The following ZNF229 variants were observed in gnomAD, a reference collection of about 807,000 sequenced individuals.
The protein encoded by ZNF229 is zinc finger protein 229.
Under a neutral mutation model 11.8 loss-of-function variants are expected in ZNF229, and 10 were observed. That is an observed-to-expected ratio of 0.85 (90% confidence interval 0.52 to 1.44). ZNF229 has a LOEUF of 1.44. Ranked by LOEUF, ZNF229 falls within the 40% of genes most tolerant of loss-of-function variation. ZNF229 has a pLI of 0.00. For synonymous variants in ZNF229, 368 were observed against 374.8 expected (o/e 0.98, Z 0.21); for missense variants, 1,045 against 1,015.1 (o/e 1.03, Z -0.40).
At chr19:44,434,458 A>G (rs529852288) in intron 4 of ZNF229, among the ~76,000 whole-genome samples, 1 of 152,170 alleles carries the variant, frequency 6.6e-6, no homozygotes, top group Non-Finnish European at 1.5e-5. Flanking sequence ...GAACCAAGGA[A>G]TTTCAAACTA....
rs1715094436 is a variant in ZNF229, at chr19:44,429,621, C to T, written c.1160G>A (p.Gly387Asp). 6 of 1,614,062 alleles carry T rather than the reference C, an allele frequency of 3.7e-6. No individual in the cohort carries two copies. Among genetic ancestry groups the T allele is most frequent in the Non-Finnish European group, 5.1e-6 (6 of 1,180,014 alleles). The part of the protein sequence containing the change: ...YKCEECGKAF[G>D]RSSNLLVHQR... ...ATGGACAAGCAGGTTTGAACTTCGACCAAATGCCTTCCCACACTCCTCACA... is the reference window on the plus strand; with the variant it reads ...ATGGACAAGCAGGTTTGAACTTCGATCAAATGCCTTCCCACACTCCTCACA... The change falls in exon 6 of 6, where the codon GGT (glycine) becomes GAT (aspartate). Residue 387 changes from glycine to aspartate, a missense_variant. Coordinates refer to ENST00000614049, the MANE Select transcript of ZNF229 (RefSeq NM_014518.4).
intron 4 of ZNF229, among the ~76,000 whole-genome samples, chr19:44,433,958 A>C (rs1038995150): frequency 1.9e-4 from 29 of 152,094 alleles, no homozygotes; most frequent in African/African-American, 6.5e-4. Flanking sequence ...TAATACAGAC[A>C]GGGTTTCACC....
intron 3 of ZNF229, 74 bp downstream of exon 3, chr19:44,442,740 C>T (rs1245950657): frequency 1.4e-5 from 22 of 1,607,744 alleles, no homozygotes; most frequent in Middle Eastern, 1.6e-4. Context: ...GAGGAAATTC[C>T]TCAACATCCA....
intron 4 of ZNF229, among the ~76,000 whole-genome samples, chr19:44,439,037 G>A (rs141115221): frequency 1.4e-3 from 213 of 152,264 alleles, no homozygotes; most frequent in African/African-American, 4.9e-3. Context: ...TGGGAGGGAG[G>A]AGCAGTCTCT....
At chr19:44,439,870 A>G (rs1971877866) in intron 4 of ZNF229, among the ~76,000 whole-genome samples, 2 of 152,238 alleles carry the variant, frequency 1.3e-5, no homozygotes, top group South Asian at 4.1e-4. Context: ...TTATTTCATT[A>G]TAGACCTTGG....
At position 44,426,273 on chromosome 19, in the gene ZNF229, C is replaced by A. The variant is rs919181565; in HGVS notation, c.*2030G>T. 6.6e-6 allele frequency: 1 copy of A among 152,120 alleles called. No homozygotes were observed. Among genetic ancestry groups the A allele is most frequent in the Non-Finnish European group, 1.5e-5 (1 of 68,032 alleles). The allele number at this position is 152,120 out of a possible 1,614,324, so 9.4% of individuals were successfully genotyped here. ...AAGTTATAGAGGTTACAACATGAAT[C>A]TTTAATCATAAGGGATTGTTCCATC... On this transcript the variant is annotated 3_prime_UTR_variant, in exon 6 of 6. Transcript: ENST00000614049.
At position 44,428,117 on chromosome 19, in the gene ZNF229, T is replaced by C; in HGVS notation, c.*186A>G. On this transcript the variant is annotated 3_prime_UTR_variant, in exon 6 of 6. Transcript: ENST00000614049. ...CAACAGACTCTTAAAGACTGAAGTT[T>C]GTAACTGAAGTGCTAACCTATTTAT... is the stretch of plus-strand genomic sequence containing the variant. 1.6e-6 allele frequency: 1 copy of C among 618,542 alleles called. No individual in the cohort carries two copies. The highest frequency in any genetic ancestry group is 2.7e-6 in the Non-Finnish European group (1 of 367,434). The allele number at this position is 618,542 out of a possible 1,614,324, so 38.3% of individuals were successfully genotyped here.
intron 4 of ZNF229, among the ~76,000 whole-genome samples, chr19:44,434,433 CAAAAGTAG>C (rs1971776830): frequency 2.0e-5 from 3 of 152,146 alleles, no homozygotes; most frequent in Non-Finnish European, 4.4e-5. Flanking sequence ...GGTGAGACCT[CAAAAGTAG>C]CATTTTGAAC....
intron 2 of ZNF229, among the ~76,000 whole-genome samples, chr19:44,444,055 C>G (rs3886391): frequency 6.6e-6 from 1 of 152,134 alleles, no homozygotes; most frequent in African/African-American, 2.4e-5. Context: ...ATTGAGTCTT[C>G]TTTTTCTTTA....
At position 44,447,503 on chromosome 19, in the gene ZNF229, G is replaced by A. The variant is rs1474053990; in HGVS notation, c.-178+10C>T. The A allele has an allele frequency of 2.0e-5, 3 of 152,140 alleles. No homozygotes were observed. The highest frequency in any genetic ancestry group is 2.9e-5 in the Non-Finnish European group (2 of 68,020). 9.4% of individuals were successfully genotyped at this position (152,140 alleles called of 1,614,324 possible). A position where few individuals can be genotyped will look rare whatever the true frequency, so the allele number is the denominator to read the frequency against. ...GGCATTGCCACAAAAGAGAACCAAA[G>A]TTCACTCACCTGGAGCTCTAGTGTC... is the stretch of plus-strand genomic sequence containing the variant. On this transcript the variant is annotated intron_variant, in intron 2 of 5. Coordinates refer to ENST00000614049, the MANE Select transcript of ZNF229 (RefSeq NM_014518.4).
In ZNF229 at chr19:44,428,739, T is replaced by C; in HGVS notation, c.2042A>G (p.Lys681Arg). Residue 681 changes from lysine to arginine, a missense_variant, in exon 6 of 6, where the codon AAA becomes AGA. By Grantham distance (26) the Lys-to-Arg change is conservative (BLOSUM62 2). Coordinates refer to ENST00000614049, the MANE Select transcript of ZNF229 (RefSeq NM_014518.4). The part of the protein sequence containing the change: ...LHKHQRVHTG[K>R]KPYTCDQCGK... The stretch of plus-strand genomic sequence containing the variant: ...ACACTGATCACACGTATAGGGCTTT[T>C]TTCCCGTGTGGACTCGCTGATGTTT... The C allele has an allele frequency of 6.2e-7, 1 of 1,613,904 alleles. No individual in the cohort carries two copies. Among genetic ancestry groups the C allele is most frequent in the African/African-American group, 1.3e-5 (1 of 74,900 alleles).
At position 44,428,894 on chromosome 19, in the gene ZNF229, T is replaced by C. The variant is rs1971640952; in HGVS notation, c.1887A>G (p.Lys629=). ...TGAAGCCTTTGCCACACTCAGCACATTTATAGGGTTTCTCTCCAGTGTGGA... is the reference window on the plus strand; with the variant it reads ...TGAAGCCTTTGCCACACTCAGCACACTTATAGGGTTTCTCTCCAGTGTGGA... ...QRVHTGEKPY[K]CAECGKGFSY... Residue 629 remains lysine (K), a synonymous_variant, in exon 6 of 6, where the codon AAA becomes AAG. Transcript: ENST00000614049. 1.2e-6 allele frequency: 2 copies of C among 1,611,360 alleles called. No individual in the cohort carries two copies. Among genetic ancestry groups the C allele is most frequent in the African/African-American group, 1.4e-5 (1 of 73,886 alleles).
chr19:44,446,267 G>A (rs966928177), intron 2 of ZNF229, among the ~76,000 whole-genome samples: 3 of 152,154 alleles, frequency 2.0e-5, no homozygotes, highest in African/African-American at 7.2e-5. Context: ...GAAGTCTGAG[G>A]AAAACAGGTA....
chr19:44,433,960 G>C (rs182525343), intron 4 of ZNF229, among the ~76,000 whole-genome samples: 88 of 152,176 alleles, frequency 5.8e-4, no homozygotes, highest in Non-Finnish European at 1.1e-3. Flanking sequence ...ATACAGACAG[G>C]GTTTCACCAT....
chr19:44,431,317 G>A (rs1450103178), intron 5 of ZNF229, among the ~76,000 whole-genome samples: 1 of 152,070 alleles, frequency 6.6e-6, no homozygotes, highest in Non-Finnish European at 1.5e-5. Context: ...CCACAGTTCT[G>A]GATGATTTTA....
chr19:44,430,009 T>C lies in ZNF229; in HGVS notation c.772A>G (p.Ile258Val). The C allele has an allele frequency of 6.2e-7, 1 of 1,614,176 alleles. No individual in the cohort carries two copies. The highest frequency in any genetic ancestry group is 1.3e-5 in the African/African-American group (1 of 75,004). The change falls in exon 6 of 6, where the codon ATT becomes GTT. Residue 258 changes from isoleucine to valine, a missense_variant. By Grantham distance (29) the Ile-to-Val change is conservative. Transcript: ENST00000614049. The part of the protein sequence containing the change: ...DCIKNSVLHR[I>V]NPGENGLKSN... ...TTCAAGCCATTCTCTCCAGGGTTAATGCGATGAAGTACAGAGTTTTTAATG... is the reference window on the plus strand; with the variant it reads ...TTCAAGCCATTCTCTCCAGGGTTAACGCGATGAAGTACAGAGTTTTTAATG...
intron 2 of ZNF229, among the ~76,000 whole-genome samples, chr19:44,443,982 A>T (rs1019576795): frequency 6.6e-6 from 1 of 152,134 alleles, no homozygotes; most frequent in African/African-American, 2.4e-5. Flanking sequence ...AACACATGGT[A>T]TAAATTGCTG....
rs550958883 is a variant in ZNF229 at position 44,429,195 on chromosome 19, C to T, written c.1586G>A (p.Ser529Asn). ...CNVCGKSFSY[S>N]SGLLMHQRLH... is the part of the protein sequence containing the mutation. ...TCTCTGATGCATGAGAAGCCCTGAGCTGTAACTGAAACTCTTACCACACAC... is the reference window on the plus strand; with the variant it reads ...TCTCTGATGCATGAGAAGCCCTGAGTTGTAACTGAAACTCTTACCACACAC... The change falls in exon 6 of 6, where the codon AGC (serine) becomes AAC (asparagine). Residue 529 changes from serine (S) to asparagine (N), a missense_variant. Ser to Asn is a conservative substitution (Grantham distance 46, BLOSUM62 1). Coordinates refer to ENST00000614049, the MANE Select transcript of ZNF229 (RefSeq NM_014518.4). 3.3e-5 allele frequency: 53 copies of T among 1,614,070 alleles called. No individual in the cohort carries two copies. The highest frequency in any genetic ancestry group is 2.5e-4 in the East Asian group (11 of 44,868).
intron 4 of ZNF229, among the ~76,000 whole-genome samples, chr19:44,435,074 C>A (rs114542669): frequency 6.6e-6 from 1 of 152,140 alleles, no homozygotes; most frequent in African/African-American, 2.4e-5. Context: ...CCCAACCATG[C>A]GGAACTGTGA....
Sources: allele counts gnomAD v4.1 joint callset (sites outside exome capture counted in the v4.1 genomes callset), GRCh38; gene constraint gnomAD v4.1.1; transcripts MANE v1.5; gene names NCBI Gene and HGNC (gene_info 2026-07-23, HGNC 2026-07-21).